Variants in CYP4F22 observed in about 807,000 individuals in gnomAD.
CYP4F22 encodes the protein cytochrome P450 family 4 subfamily F member 22, also known as ultra-long-chain fatty acid omega-hydroxylase.
A neutral mutation model predicts 60.4 loss-of-function variants in CYP4F22; 37 were observed. The observed-to-expected ratio is 0.61, with a 90% CI of 0.47 to 0.81. CYP4F22 has a LOEUF of 0.81. Among genes scored for constraint, CYP4F22 ranks in the 30% least tolerant of loss-of-function variants. CYP4F22 has a pLI of 0.00. For synonymous variants in CYP4F22, 258 were observed against 280.5 expected, an observed-to-expected ratio of 0.92 and a Z score of 0.80; for missense variants, 655 against 715.0, an observed-to-expected ratio of 0.92 and a Z score of 0.96.
At chr19:15,542,523 A>G (rs1273538) in intron 8 of CYP4F22, among the ~76,000 whole-genome samples, 12,011 of 152,188 alleles carry the variant, frequency 0.079, 638 homozygotes, top group African/African-American at 0.15. Flanking sequence ...GCAACAAGAG[A>G]GAAACTCCAT....
chr19:15,513,278 C>G (rs561457682), intron 1 of CYP4F22, among the ~76,000 whole-genome samples: 1 of 151,210 alleles, frequency 6.6e-6, no homozygotes, highest in Admixed American at 6.6e-5. Flanking sequence ...CGAGTTCAAG[C>G]GATTCTCCTG....
At chr19:15,542,368 C>T (rs971207669) in intron 8 of CYP4F22, among the ~76,000 whole-genome samples, 14 of 99,796 alleles carry the variant, frequency 1.4e-4, no homozygotes, top group African/African-American at 4.3e-4. Context: ...ACCGTCTCTA[C>T]TAAAAATAAA....
chr19:15,550,150 TG>T (rs1971577673), intron 12 of CYP4F22, among the ~76,000 whole-genome samples: 1 of 151,966 alleles, frequency 6.6e-6, no homozygotes, highest in Non-Finnish European at 1.5e-5. Flanking sequence ...AGGCTGGTCT[TG>T]AACTCCTGAG....
intron 1 of CYP4F22, among the ~76,000 whole-genome samples, chr19:15,517,667 C>T (rs553742987): frequency 6.6e-6 from 1 of 152,296 alleles, no homozygotes; most frequent in Non-Finnish European, 1.5e-5. Flanking sequence ...TGATTTCACT[C>T]AGAAGTCTTC....
intron 6 of CYP4F22, 59 bp downstream of exon 6, chr19:15,537,721 C>T: frequency 1.2e-6 from 2 of 1,607,176 alleles, no homozygotes; most frequent in Non-Finnish European, 1.7e-6. Context: ...GTCCAGGCTC[C>T]AACTCATGCA....
chr19:15,531,384 TA>T (rs34677242), intron 4 of CYP4F22, among the ~76,000 whole-genome samples: 66 of 142,756 alleles, frequency 4.6e-4, no homozygotes, highest in South Asian at 2.3e-3. Flanking sequence ...CTTAGTCTCT[TA>T]AAAAAAAAAA....
In CYP4F22 at chr19:15,551,785, GA is replaced by G. The variant is rs1475674687; in HGVS notation, c.*315del. On this transcript the variant is annotated 3_prime_UTR_variant, in exon 14 of 14. Transcript: ENST00000269703. Reference sequence around the variant, plus strand: ...CAGGCCCCGCCCCCAGGATCCTACGGATTGAGGTCCTCAGGCCACGCCCCTG... The same window carrying G: ...CAGGCCCCGCCCCCAGGATCCTACGGTTGAGGTCCTCAGGCCACGCCCCTG... 2.1e-6 allele frequency: 1 copy of G among 475,738 alleles called. No homozygotes were observed. Among genetic ancestry groups the G allele is most frequent in the Non-Finnish European group, 3.8e-6 (1 of 262,142 alleles). The allele number at this position is 475,738 out of a possible 1,614,324, so 29.5% of individuals were successfully genotyped here. A position where few individuals can be genotyped will look rare whatever the true frequency, so the allele number is the denominator to read the frequency against.
chr19:15,525,460 T>C lies in CYP4F22; in HGVS notation c.124T>C (p.Phe42Leu), dbSNP rs770004839. 1.9e-6 allele frequency: 3 copies of C among 1,614,118 alleles called. No individual in the cohort carries two copies. Among genetic ancestry groups the C allele is most frequent in the Non-Finnish European group, 2.5e-6 (3 of 1,180,024 alleles). ...CTTCCTGTTCCGCCTGCTGCTGCGG[T>C]TCCTGAGGCTCTGCAGGAGCTTCTA... Reference protein sequence around the residue: ...LFFLFRLLLRFLRLCRSFYIT... With the variant: ...LFFLFRLLLRLLRLCRSFYIT... The change falls in exon 3 of 14, where the codon TTC becomes CTC. Residue 42 changes from phenylalanine to leucine, a missense_variant. Coordinates refer to ENST00000269703, the MANE Select transcript of CYP4F22 (RefSeq NM_173483.4).
At chr19:15,511,922 C>T (rs1323058377) in intron 1 of CYP4F22, among the ~76,000 whole-genome samples, 1 of 152,222 alleles carries the variant, frequency 6.6e-6, no homozygotes, top group African/African-American at 2.4e-5. Flanking sequence ...GCTTTCACCA[C>T]CACCAGATAA....
chr19:15,544,012 C>G lies in CYP4F22; in HGVS notation c.981C>G (p.Ala327=), dbSNP rs377660316. 1 of 1,614,018 alleles carries G rather than the reference C, an allele frequency of 6.2e-7. No individual in the cohort carries two copies. Among genetic ancestry groups the G allele is most frequent in the Non-Finnish European group, 8.5e-7 (1 of 1,180,016 alleles). The change falls in exon 9 of 14, where the codon GCC becomes GCG. Residue 327 remains alanine, a synonymous_variant. Transcript: ENST00000269703. ...AACTGTCAGACGAGGATATCCGAGC[C>G]GAAGCAGACACCTTCATGTTTGAGG... The part of the protein sequence containing the change: ...GKELSDEDIR[A]EADTFMFEGH...
intron 2 of CYP4F22, among the ~76,000 whole-genome samples, chr19:15,524,514 G>T (rs759374368): frequency 2.0e-5 from 3 of 152,074 alleles, no homozygotes; most frequent in Non-Finnish European, 4.4e-5. Context: ...AGCTGGGCCT[G>T]GTGGCATGCA....
At chr19:15,542,536 C>T (rs1971475342) in intron 8 of CYP4F22, among the ~76,000 whole-genome samples, 2 of 151,886 alleles carry the variant, frequency 1.3e-5, no homozygotes, top group Admixed American at 6.6e-5. Flanking sequence ...AACTCCATCT[C>T]AAAAAATTTT....
intron 3 of CYP4F22, among the ~76,000 whole-genome samples, chr19:15,527,952 G>A (rs1971300953): frequency 6.6e-6 from 1 of 152,184 alleles, no homozygotes; most frequent in African/African-American, 2.4e-5. Flanking sequence ...TTTTTCTGAC[G>A]TTGAGCCTGA....
chr19:15,509,965 T>TC, intron 1 of CYP4F22, among the ~76,000 whole-genome samples: 4 of 135,776 alleles, frequency 2.9e-5, no homozygotes, highest in Non-Finnish European at 4.8e-5. Context: ...TCTCTCTCTC[T>TC]TTCTTTCTTT....
intron 12 of CYP4F22, 38 bp downstream of exon 12, chr19:15,549,240 T>A: frequency 6.2e-7 from 1 of 1,610,168 alleles, no homozygotes; most frequent in Non-Finnish European, 8.5e-7. Flanking sequence ...CCTCAGGTCC[T>A]CCCCTCCCCT....
intron 12 of CYP4F22, among the ~76,000 whole-genome samples, chr19:15,549,883 G>A (rs565263458): frequency 2.0e-5 from 3 of 152,096 alleles, no homozygotes; most frequent in East Asian, 3.9e-4. Flanking sequence ...CAGGAGGATC[G>A]CTTGGGCCCA....
chr19:15,521,119 A>G (rs962446614), intron 1 of CYP4F22, among the ~76,000 whole-genome samples: 1 of 152,028 alleles, frequency 6.6e-6, no homozygotes, highest in Non-Finnish European at 1.5e-5. Context: ...ACCCTGGTGT[A>G]GCATGTGTCA....
chr19:15,543,381 G>A (rs1347439303), intron 8 of CYP4F22, among the ~76,000 whole-genome samples: 1 of 151,980 alleles, frequency 6.6e-6, no homozygotes, highest in East Asian at 1.9e-4. Flanking sequence ...TTGTAGAAAT[G>A]GGGTCTTACC....
At chr19:15,541,206 A>C (rs979840505) in intron 8 of CYP4F22, among the ~76,000 whole-genome samples, 3 of 152,238 alleles carry the variant, frequency 2.0e-5, no homozygotes, top group Non-Finnish European at 4.4e-5. Context: ...AGTACCACAA[A>C]CTAAATGGCC....
Sources: allele counts gnomAD v4.1 joint callset (sites outside exome capture counted in the v4.1 genomes callset), GRCh38; gene constraint gnomAD v4.1.1; transcripts MANE v1.5; gene names NCBI Gene and HGNC (gene_info 2026-07-23, HGNC 2026-07-21).